Variants in GRIN2B observed in about 807,000 individuals in gnomAD.
GRIN2B encodes glutamate receptor ionotropic, NMDA 2B.
GRIN2B carries 5 observed loss-of-function variants against 114.5 expected under a neutral mutation model. That is an observed-to-expected ratio of 0.04 (90% CI 0.02 to 0.09). The LOEUF (loss-of-function observed/expected upper bound fraction) is 0.09, where lower values mean the gene tolerates loss of function less well. Among genes scored for constraint, GRIN2B ranks in the 10% least tolerant of loss-of-function variants. GRIN2B has a pLI of 1.00. For missense variants in GRIN2B, 1,108 were observed against 1,943.5 expected (o/e 0.57, Z 8.08); for synonymous variants, 787 against 745.1 (o/e 1.06, Z -0.92).
intron 5 of GRIN2B, among the ~76,000 whole-genome samples, chr12:13,636,962 G>A (rs1949671125): frequency 6.6e-6 from 1 of 152,140 alleles, no homozygotes; most frequent in Admixed American, 6.5e-5. Flanking sequence ...TGCCTAAAAT[G>A]AGGAACATGG....
intron 4 of GRIN2B, among the ~76,000 whole-genome samples, chr12:13,711,216 C>A (rs1338495788): frequency 6.6e-6 from 1 of 151,476 alleles, no homozygotes; most frequent in South Asian, 2.1e-4. Flanking sequence ...ATACCTTATA[C>A]AAAAATTAAT....
At chr12:13,743,506 CATT>C (rs1444419374) in intron 4 of GRIN2B, among the ~76,000 whole-genome samples, 1 of 151,964 alleles carries the variant, frequency 6.6e-6, no homozygotes, top group Non-Finnish European at 1.5e-5. Flanking sequence ...AAATTTGACA[CATT>C]ATTAAGATCT....
intron 3 of GRIN2B, among the ~76,000 whole-genome samples, chr12:13,859,188 T>C (rs1247758627): frequency 1.3e-5 from 2 of 152,198 alleles, no homozygotes; most frequent in African/African-American, 4.8e-5. Context: ...TGGCTGAGAA[T>C]GAATAGAGCT....
intron 3 of GRIN2B, among the ~76,000 whole-genome samples, chr12:13,809,291 T>C (rs1309845519): frequency 1.3e-5 from 2 of 152,144 alleles, no homozygotes; most frequent in Non-Finnish European, 2.9e-5. Context: ...CAACAAGGTG[T>C]GGTAGGAAGA....
chr12:13,659,880 C>A (rs1159996064), intron 5 of GRIN2B, among the ~76,000 whole-genome samples: 1 of 152,142 alleles, frequency 6.6e-6, no homozygotes, highest in East Asian at 1.9e-4. Context: ...AGTTATAAAA[C>A]TTAGTGGTAT....
chr12:13,603,462 C>T (rs375557377), intron 10 of GRIN2B, among the ~76,000 whole-genome samples: 1 of 152,064 alleles, frequency 6.6e-6, no homozygotes, highest in East Asian at 1.9e-4. Context: ...AATTATTTAA[C>T]CTCACCAAGC....
At chr12:13,586,444 C>G (rs1948926598) in intron 10 of GRIN2B, among the ~76,000 whole-genome samples, 2 of 152,240 alleles carry the variant, frequency 1.3e-5, no homozygotes, top group South Asian at 2.1e-4. Flanking sequence ...ATAGAAAGTT[C>G]TCAGCAAACA....
intron 3 of GRIN2B, among the ~76,000 whole-genome samples, chr12:13,851,611 T>G (rs1865567035): frequency 6.6e-6 from 1 of 152,138 alleles, no homozygotes; most frequent in African/African-American, 2.4e-5. Flanking sequence ...AATAATAAAA[T>G]AAAATCTCCC....
At chr12:13,607,139 G>A (rs1292210175) in intron 10 of GRIN2B, among the ~76,000 whole-genome samples, 2 of 118,396 alleles carry the variant, frequency 1.7e-5, no homozygotes, top group African/African-American at 3.3e-5. Context: ...GAGGTACCAT[G>A]CACTCAAAAA....
intron 3 of GRIN2B, among the ~76,000 whole-genome samples, chr12:13,789,282 T>C (rs1864276409): frequency 6.6e-6 from 1 of 152,196 alleles, no homozygotes; most frequent in Admixed American, 6.5e-5. Flanking sequence ...CATTAACAAC[T>C]GAGATCTTAA....
chr12:13,919,318 T>G (rs1866785674), intron 2 of GRIN2B, among the ~76,000 whole-genome samples: 1 of 152,214 alleles, frequency 6.6e-6, no homozygotes, highest in Admixed American at 6.5e-5. Flanking sequence ...GCCAAAAAAG[T>G]CAAGTTAGGG....
At chr12:13,699,677 T>A (rs1950292752) in intron 4 of GRIN2B, among the ~76,000 whole-genome samples, 1 of 151,882 alleles carries the variant, frequency 6.6e-6, no homozygotes, top group Non-Finnish European at 1.5e-5. Context: ...AACCTCCGCC[T>A]CCTGGGTTCA....
intron 3 of GRIN2B, among the ~76,000 whole-genome samples, chr12:13,786,958 G>GA (rs199822848): frequency 5.1e-4 from 73 of 143,874 alleles, no homozygotes; most frequent in East Asian, 1.6e-3. Flanking sequence ...CTTCAAAGGA[G>GA]AAAAAAAAAA....
At chr12:13,651,129 T>G (rs370722154) in intron 5 of GRIN2B, among the ~76,000 whole-genome samples, 13 of 152,190 alleles carry the variant, frequency 8.5e-5, no homozygotes, top group African/African-American at 3.1e-4. Context: ...GCAAGAGAGA[T>G]AGCAAGAATA....
At position 13,563,589 on chromosome 12, in the gene GRIN2B, T is replaced by G; in HGVS notation, c.3649A>C (p.Ser1217Arg). 1 of 1,614,128 alleles carries G rather than the reference T, an allele frequency of 6.2e-7. No homozygotes were observed. The highest frequency in any genetic ancestry group is 2.2e-5 in the East Asian group (1 of 44,862). ...EDRSGGNFCR[S>R]CPSKLHNYST... ...TAGTTGTGCAGCTTGGAGGGACAGC[T>G]GCGGCAGAAGTTGCCCCCGGACCGG... is the stretch of plus-strand genomic sequence containing the variant. Residue 1217 changes from serine (S) to arginine (R), a missense_variant, in exon 14 of 14, where the codon AGC (serine) becomes CGC (arginine). This residue lies in a region of GRIN2B where 478 missense variants were observed against 506.0 expected (regional missense o/e 0.94). Transcript: ENST00000609686.
intron 2 of GRIN2B, among the ~76,000 whole-genome samples, chr12:13,947,540 C>T (rs1483021567): frequency 6.6e-6 from 1 of 152,152 alleles, no homozygotes; most frequent in Admixed American, 6.6e-5. Context: ...AGCCCATATA[C>T]GTGGTTTTCC....
intron 4 of GRIN2B, among the ~76,000 whole-genome samples, chr12:13,744,981 C>T (rs944328530): frequency 3.3e-5 from 5 of 152,146 alleles, no homozygotes; most frequent in Non-Finnish European, 2.9e-5. Flanking sequence ...AAATCCTTAT[C>T]GGCCACATCA....
chr12:13,624,612 AT>A (rs974837083), intron 5 of GRIN2B, among the ~76,000 whole-genome samples: 5 of 152,246 alleles, frequency 3.3e-5, no homozygotes, highest in Non-Finnish European at 7.3e-5. Context: ...AATTTGATCC[AT>A]GACTGCCTTT....
chr12:13,914,622 T>C (rs1236948295), intron 2 of GRIN2B, among the ~76,000 whole-genome samples: 2 of 152,232 alleles, frequency 1.3e-5, no homozygotes, highest in Non-Finnish European at 2.9e-5. Context: ...TCTGCACTCC[T>C]GTAGTCATTG....
Sources: gnomAD v4.1 joint callset for allele counts (sites outside exome capture counted in the v4.1 genomes callset) on GRCh38, gnomAD v4.1.1 for gene constraint, gnomAD v4.1.1 regional missense constraint, MANE v1.5 for transcripts, NCBI Gene and HGNC (gene_info 2026-07-23, HGNC 2026-07-21) for gene names.